PIK3R3: variants seen among roughly 807,000 people sequenced by gnomAD.
The protein encoded by PIK3R3 is phosphoinositide-3-kinase regulatory subunit 3, also known as phosphatidylinositol 3-kinase regulatory subunit gamma.
PIK3R3 carries 64 observed loss-of-function variants against 62.9 expected under a neutral mutation model. The observed-to-expected ratio is 1.02, with a 90% confidence interval of 0.83 to 1.25. The LOEUF (loss-of-function observed/expected upper bound fraction) is 1.25, where lower values mean the gene tolerates loss of function less well. PIK3R3 is among the 50% of genes most tolerant of loss of function. The pLI, the probability that PIK3R3 is intolerant of heterozygous loss-of-function variation, is 0.00. For synonymous variants in PIK3R3, 165 were observed against 189.0 expected (o/e 0.87, Z 1.04); for missense variants, 614 against 561.6 (o/e 1.09, Z -0.94).
In PIK3R3 at chr1:46,055,812, G is replaced by GTGGTCGCCGTATCATTAAAAAAAAAA; in HGVS notation, c.923_924insTTTTTTTTTTAATGATACGGCGACCA (p.Arg309PhefsTer22). 1 of 1,562,306 alleles carries GTGGTCGCCGTATCATTAAAAAAAAAA rather than the reference G, an allele frequency of 6.4e-7. No individual in the cohort carries two copies. Among genetic ancestry groups the GTGGTCGCCGTATCATTAAAAAAAAAA allele is most frequent in the Non-Finnish European group, 8.7e-7 (1 of 1,155,064 alleles). Reference sequence around the variant, plus strand: ...CTACTTACACAAGGTGTTGATCTCGGATCTTTCGCAGCTGGATCAGGTCAG... The same window carrying GTGGTCGCCGTATCATTAAAAAAAAAA: ...CTACTTACACAAGGTGTTGATCTCGGTGGTCGCCGTATCATTAAAAAAAAAAATCTTTCGCAGCTGGATCAGGTCAG... On this transcript the variant is annotated frameshift_variant, in exon 7 of 10. Coordinates refer to ENST00000262741, the MANE Select transcript of PIK3R3 (RefSeq NM_003629.4). LOFTEE classifies it high-confidence loss of function.
chr1:46,080,753 A>G lies in PIK3R3; in HGVS notation c.107-3T>C, dbSNP rs781267924. 3 of 1,594,630 alleles carry G rather than the reference A, an allele frequency of 1.9e-6. No homozygotes were observed. The highest frequency in any genetic ancestry group is 2.6e-6 in the Non-Finnish European group (3 of 1,162,284). Reference sequence around the variant, plus strand: ...CTTAGGTGGCTTTGGTGGAAGAGCTAGAAGAGAAATGAATATTACTCTGTA... The same window carrying G: ...CTTAGGTGGCTTTGGTGGAAGAGCTGGAAGAGAAATGAATATTACTCTGTA... On this transcript the variant is annotated splice_region_variant and splice_polypyrimidine_tract_variant and intron_variant, in intron 1 of 9. Coordinates refer to ENST00000262741, the MANE Select transcript of PIK3R3 (RefSeq NM_003629.4).
At chr1:46,094,942 CG>C (rs1256157128) in intron 1 of PIK3R3, among the ~76,000 whole-genome samples, 2 of 152,156 alleles carry the variant, frequency 1.3e-5, no homozygotes, top group Non-Finnish European at 2.9e-5. Context: ...CAAAATTAAA[CG>C]ATGATTTTAT....
chr1:46,151,731 G>A, the PIK3R3 span, among the ~76,000 whole-genome samples: 1 of 152,212 alleles, frequency 6.6e-6, no homozygotes, highest in East Asian at 1.9e-4. Flanking sequence ...GCTTTTTAGG[G>A]ACTCAGAGGT....
chr1:46,060,186 G>A (rs539180747), intron 6 of PIK3R3, among the ~76,000 whole-genome samples: 2 of 150,624 alleles, frequency 1.3e-5, no homozygotes, highest in Admixed American at 6.6e-5. Flanking sequence ...TTTCTTCATC[G>A]TTAATAATAA....
intron 7 of PIK3R3, among the ~76,000 whole-genome samples, chr1:46,054,624 C>T (rs1003428566): frequency 2.0e-5 from 3 of 152,112 alleles, no homozygotes; most frequent in Non-Finnish European, 4.4e-5. Context: ...AGATGCATTT[C>T]AAAACAGTCT....
chr1:46,043,544 C>A lies in PIK3R3; in HGVS notation c.*129G>T. Reference sequence around the variant, plus strand: ...CCCGGCCGGCTGCTGCTCGGCCTCTCCACTTCACATTCACAAAATCACTTC... The same window carrying A: ...CCCGGCCGGCTGCTGCTCGGCCTCTACACTTCACATTCACAAAATCACTTC... On this transcript the variant is annotated 3_prime_UTR_variant, in exon 10 of 10. Coordinates refer to ENST00000262741, the MANE Select transcript of PIK3R3 (RefSeq NM_003629.4). 1.2e-6 allele frequency: 1 copy of A among 833,474 alleles called. No homozygotes were observed. Among genetic ancestry groups the A allele is most frequent in the Non-Finnish European group, 1.9e-6 (1 of 525,664 alleles). The allele number at this position is 833,474 out of a possible 1,614,324, so 51.6% of individuals were successfully genotyped here.
At chr1:46,157,636 T>A in the PIK3R3 span, among the ~76,000 whole-genome samples, 2 of 152,210 alleles carry the variant, frequency 1.3e-5, no homozygotes, top group African/African-American at 2.4e-5. Context: ...CAATTCTTCG[T>A]CTCTCAATTC....
At chr1:46,094,086 C>T (rs968817419) in intron 1 of PIK3R3, among the ~76,000 whole-genome samples, 2 of 150,162 alleles carry the variant, frequency 1.3e-5, no homozygotes, top group African/African-American at 2.4e-5. Flanking sequence ...AAAAAAGTGT[C>T]GAAGATGAAC....
At chr1:46,143,483 G>T in the PIK3R3 span, among the ~76,000 whole-genome samples, 1 of 151,506 alleles carries the variant, frequency 6.6e-6, no homozygotes, top group Non-Finnish European at 1.5e-5. Context: ...TCACTGTGTC[G>T]CCCAGGCTGG....
chr1:46,093,837 A>T (rs1393667337), intron 1 of PIK3R3, among the ~76,000 whole-genome samples: 2 of 150,374 alleles, frequency 1.3e-5, no homozygotes, highest in Non-Finnish European at 3.0e-5. Context: ...TCTGGGTGAC[A>T]GAGTGAGACT....
At chr1:46,151,404 A>T in the PIK3R3 span, among the ~76,000 whole-genome samples, 1 of 152,118 alleles carries the variant, frequency 6.6e-6, no homozygotes, top group Non-Finnish European at 1.5e-5. Flanking sequence ...CAAGAAAAAG[A>T]TGGGATCTTT....
chr1:46,053,205 A>G (rs1647530829), intron 7 of PIK3R3, among the ~76,000 whole-genome samples: 3 of 151,882 alleles, frequency 2.0e-5, no homozygotes, highest in Non-Finnish European at 2.9e-5. Context: ...TAGGTTATGA[A>G]TTTGTCATCC....
In PIK3R3 at chr1:46,043,536, CG is replaced by C; in HGVS notation, c.*136del. 1 of 755,744 alleles carries C rather than the reference CG, an allele frequency of 1.3e-6. No individual in the cohort carries two copies. The highest frequency in any genetic ancestry group is 2.4e-5 in the Admixed American group (1 of 40,850). 46.8% of individuals were successfully genotyped at this position (755,744 alleles called of 1,614,324 possible). On this transcript the variant is annotated 3_prime_UTR_variant, in exon 10 of 10. Transcript: ENST00000262741. The stretch of plus-strand genomic sequence containing the variant: ...GCCCCCATCCCGGCCGGCTGCTGCT[CG>C]GCCTCTCCACTTCACATTCACAAAA...
intron 1 of PIK3R3, among the ~76,000 whole-genome samples, chr1:46,092,374 T>A (rs916866446): frequency 6.6e-6 from 1 of 152,238 alleles, no homozygotes; most frequent in Non-Finnish European, 1.5e-5. Context: ...TTGTTTTGTT[T>A]TGTTTTTGAG....
chr1:46,061,425 G>C (rs1431443692), intron 6 of PIK3R3, among the ~76,000 whole-genome samples: 1 of 152,124 alleles, frequency 6.6e-6, no homozygotes, highest in Non-Finnish European at 1.5e-5. Flanking sequence ...CTACAGTCTT[G>C]TTCTACTACA....
At chr1:46,050,918 C>A (rs553592099) in intron 7 of PIK3R3, among the ~76,000 whole-genome samples, 4 of 152,198 alleles carry the variant, frequency 2.6e-5, no homozygotes, top group South Asian at 2.1e-4. Flanking sequence ...TTTGAAAACA[C>A]CATGCTAAGT....
intron 1 of PIK3R3, among the ~76,000 whole-genome samples, chr1:46,106,571 T>C (rs1653225503): frequency 6.6e-6 from 1 of 152,084 alleles, no homozygotes; most frequent in South Asian, 2.1e-4. Flanking sequence ...AGCAGAAAAA[T>C]AACTTTAGAT....
At chr1:46,090,673 CAATT>C (rs1651543715) in intron 1 of PIK3R3, among the ~76,000 whole-genome samples, 1 of 152,142 alleles carries the variant, frequency 6.6e-6, no homozygotes, top group African/African-American at 2.4e-5. Flanking sequence ...TGTAAGTTCA[CAATT>C]AAATTATATT....
At chr1:46,062,098 A>G in intron 5 of PIK3R3, 27 bp from the exon 6 acceptor site, 1 of 1,564,032 alleles carries the variant, frequency 6.4e-7, no homozygotes, top group Non-Finnish European at 8.6e-7. Context: ...GAAAAAACAC[A>G]GGCTTCATTA....
Sources: gnomAD v4.1 joint callset for allele counts (sites outside exome capture counted in the v4.1 genomes callset) on GRCh38, gnomAD v4.1.1 for gene constraint, MANE v1.5 for transcripts, NCBI Gene and HGNC (gene_info 2026-07-23, HGNC 2026-07-21) for gene names.